VWA8: variants seen among roughly 807,000 people sequenced by gnomAD.
The protein encoded by VWA8 is von Willebrand factor A domain containing 8, also known as von Willebrand factor A domain-containing protein 8.
Under a neutral mutation model 241.5 loss-of-function variants are expected in VWA8, and 221 were observed. That is an observed-to-expected ratio of 0.91 (90% CI 0.82 to 1.02). The LOEUF is 1.02. Ranked by LOEUF, VWA8 falls within the 50% of genes least tolerant of loss-of-function variation. The pLI is 0.00. For synonymous variants in VWA8, 852 were observed against 827.1 expected (o/e 1.03, Z -0.52); for missense variants, 2,322 against 2,328.7 (o/e 1.00, Z 0.06).
chr13:41,957,140 T>C (rs552654828), intron 1 of VWA8, among the ~76,000 whole-genome samples: 1 of 152,240 alleles, frequency 6.6e-6, no homozygotes, highest in Non-Finnish European at 1.5e-5. Flanking sequence ...CCAAATCTTG[T>C]CTTGAATTCT....
At chr13:41,705,203 T>C (rs112642157) in intron 26 of VWA8, among the ~76,000 whole-genome samples, 3,155 of 151,842 alleles carry the variant, frequency 0.021, 109 homozygotes, top group African/African-American at 0.07. Flanking sequence ...GAATCTATCA[T>C]CTAAAATATA....
At chr13:41,851,971 T>C (rs1170763623) in intron 12 of VWA8, among the ~76,000 whole-genome samples, 4 of 152,184 alleles carry the variant, frequency 2.6e-5, no homozygotes, top group Non-Finnish European at 5.9e-5. Flanking sequence ...CTGGATCATG[T>C]GGTAGTTCTG....
At chr13:41,654,519 G>A (rs1277605227) in intron 37 of VWA8, among the ~76,000 whole-genome samples, 1 of 152,144 alleles carries the variant, frequency 6.6e-6, no homozygotes, top group African/African-American at 2.4e-5. Context: ...TTCTCATAAG[G>A]AGGACACAAT....
intron 37 of VWA8, among the ~76,000 whole-genome samples, chr13:41,628,537 C>T (rs1308762319): frequency 6.6e-6 from 1 of 152,108 alleles, no homozygotes; most frequent in Non-Finnish European, 1.5e-5. Context: ...CCTAGGCTCC[C>T]ATCAACAGTG....
chr13:41,634,180 A>G, intron 37 of VWA8, among the ~76,000 whole-genome samples: 1 of 152,142 alleles, frequency 6.6e-6, no homozygotes, highest in East Asian at 1.9e-4. Flanking sequence ...CTGTAGATTA[A>G]CCCAGGGTCT....
chr13:41,842,425 C>T (rs1872098418), intron 12 of VWA8, among the ~76,000 whole-genome samples: 1 of 152,252 alleles, frequency 6.6e-6, no homozygotes, highest in East Asian at 1.9e-4. Flanking sequence ...GTACAGGATG[C>T]GATGTTGACA....
chr13:41,953,918 C>A lies in VWA8; in HGVS notation c.164-3905G>T, dbSNP rs545283337. Among the ~76,000 whole-genome samples the A allele has an allele frequency of 8.5e-5, 13 of 152,180 alleles. No individual in the cohort carries two copies. The East Asian group carries it at 2.5e-3, about 29-fold the overall frequency. On this transcript the variant is annotated intron_variant, in intron 1 of 44. Coordinates refer to ENST00000379310, the MANE Select transcript of VWA8 (RefSeq NM_015058.2). ...GTAACAAAAAGGTAACTGGAAAATC[C>A]CCAAACATTTGGAAATCAAGCAACA...
Position 41,883,480 on chromosome 13 carries a change from A to G in VWA8, c.987T>C (p.Pro329=), listed in dbSNP as rs750373207. ...GGATTGCATGTTTGATTGGCATCAT[A>G]GGAAAGGAATCCTATGTAGGAGCAA... is the stretch of plus-strand genomic sequence containing the variant. The part of the protein sequence containing the change: ...AAAVQILDSF[P]MMPIKHAIQW... Residue 329 remains proline (P), a synonymous_variant, in exon 9 of 45, where the codon CCT becomes CCC. Transcript: ENST00000379310. 15 of 1,612,892 alleles carry G rather than the reference A, an allele frequency of 9.3e-6. No individual in the cohort carries two copies. Among genetic ancestry groups the G allele is most frequent in the Non-Finnish European group, 1.3e-5 (15 of 1,179,228 alleles).
At chr13:41,933,992 C>G (rs1338625551) in intron 2 of VWA8, among the ~76,000 whole-genome samples, 1 of 151,662 alleles carries the variant, frequency 6.6e-6, no homozygotes, top group Non-Finnish European at 1.5e-5. Context: ...AAATTTAAAA[C>G]TCCTGCTCTT....
At chr13:41,919,971 C>G (rs1272721363) in intron 2 of VWA8, among the ~76,000 whole-genome samples, 1 of 152,148 alleles carries the variant, frequency 6.6e-6, no homozygotes, top group Non-Finnish European at 1.5e-5. Flanking sequence ...CCTTTCCTCC[C>G]TAGAACAGGA....
At chr13:41,844,934 G>A (rs1235195505) in intron 12 of VWA8, among the ~76,000 whole-genome samples, 4 of 152,226 alleles carry the variant, frequency 2.6e-5, no homozygotes, top group East Asian at 3.9e-4. Flanking sequence ...GCATGCTCAT[G>A]GATTAGAAGA....
intron 12 of VWA8, among the ~76,000 whole-genome samples, chr13:41,839,918 G>A (rs1172760912): frequency 6.6e-6 from 1 of 152,180 alleles, no homozygotes; most frequent in South Asian, 2.1e-4. Context: ...AAAGACAATG[G>A]TAGCTTGATG....
At chr13:41,584,501 C>T (rs1037487161) in intron 42 of VWA8, among the ~76,000 whole-genome samples, 3 of 152,164 alleles carry the variant, frequency 2.0e-5, no homozygotes, top group Non-Finnish European at 4.4e-5. Context: ...GAAAGAGGCT[C>T]AAAGAGCTTG....
chr13:41,610,891 C>T (rs1203217924), intron 39 of VWA8, among the ~76,000 whole-genome samples: 4 of 152,198 alleles, frequency 2.6e-5, no homozygotes, highest in South Asian at 4.1e-4. Flanking sequence ...GGGGAATGTC[C>T]GAGGGCCACA....
At position 41,829,565 on chromosome 13, in the gene VWA8, A is replaced by ACACACG. The variant is rs1566473399; in HGVS notation, c.1700+963_1700+964insCGTGTG. Reference sequence around the variant, plus strand: ...CACACACACACACACACACACACACACATGCACACACACACACACCATGGA... The same window carrying ACACACG: ...CACACACACACACACACACACACACACACACGCATGCACACACACACACACCATGGA... On this transcript the variant is annotated intron_variant, in intron 14 of 44. Coordinates refer to ENST00000379310, the MANE Select transcript of VWA8 (RefSeq NM_015058.2). 4.7e-5 allele frequency among the ~76,000 whole-genome samples: 6 copies of ACACACG among 128,360 alleles called. No individual in the cohort carries two copies. In the South Asian group the frequency reaches 1.0e-3, roughly 22 times the overall value. The allele number at this position is 128,360 out of a possible 152,430, so 84.2% of individuals were successfully genotyped here. A position where few individuals can be genotyped will look rare whatever the true frequency, so the allele number is the denominator to read the frequency against.
At chr13:41,729,859 G>C (rs901098585) in intron 22 of VWA8, among the ~76,000 whole-genome samples, 182 bp from the exon 23 acceptor site, 1 of 149,734 alleles carries the variant, frequency 6.7e-6, no homozygotes, top group Non-Finnish European at 1.5e-5. Flanking sequence ...AGCAGAGCTG[G>C]AAACAAAATT....
At chr13:41,704,672 T>C (rs182305842) in intron 26 of VWA8, among the ~76,000 whole-genome samples, 2 of 152,188 alleles carry the variant, frequency 1.3e-5, no homozygotes, top group East Asian at 3.9e-4. Flanking sequence ...TCTTGCTGTG[T>C]TGCCCAGGCT....
At chr13:41,702,705 A>T (rs996860958) in intron 27 of VWA8, among the ~76,000 whole-genome samples, 6 of 152,224 alleles carry the variant, frequency 3.9e-5, no homozygotes, top group Non-Finnish European at 8.8e-5. Context: ...AGCCTAAAAT[A>T]TTGACTCTGT....
In VWA8 at chr13:41,960,976, G is replaced by C; in HGVS notation, c.40C>G (p.His14Asp). 3 of 1,426,316 alleles carry C rather than the reference G, an allele frequency of 2.1e-6. No individual in the cohort carries two copies. Among genetic ancestry groups the C allele is most frequent in the Non-Finnish European group, 1.8e-6 (2 of 1,098,962 alleles). The allele number at this position is 1,426,316 out of a possible 1,614,324, so 88.4% of individuals were successfully genotyped here. Residue 14 changes from histidine to aspartate, a missense_variant, in exon 1 of 45, where the codon CAC becomes GAC. By Grantham distance (81) the His-to-Asp change is moderately conservative. Transcript: ENST00000379310. ...RLLLLGAPGGHGGPASRRMRL... is the reference protein window; with the variant it reads ...RLLLLGAPGGDGGPASRRMRL... ...ATGCGCCGCGAGGCCGGGCCGCCGT[G>C]GCCTCCGGGTGCCCCGAGGAGTAGA...
Sources: allele counts gnomAD v4.1 joint callset (sites outside exome capture counted in the v4.1 genomes callset), GRCh38; gene constraint gnomAD v4.1.1; transcripts MANE v1.5; gene names NCBI Gene and HGNC (gene_info 2026-07-23, HGNC 2026-07-21).